Variants in DEFB124 observed in about 807,000 individuals in gnomAD.
DEFB124 encodes the protein beta-defensin 124.
For missense variants in DEFB124, 78 were observed against 83.1 expected (o/e 0.94, Z 0.24); for synonymous variants, 38 against 36.5 (o/e 1.04, Z -0.15).
intron 2 of DEFB124, among the ~76,000 whole-genome samples, chr20:31,467,493 A>T (rs1381183483): frequency 6.6e-6 from 1 of 152,180 alleles, no homozygotes; most frequent in East Asian, 1.9e-4. Context: ...TCAGTTCCTC[A>T]TCTGTACAAC....
At chr20:31,465,774 G>T in intron 2 of DEFB124, 111 bp from the exon 3 acceptor site, 1 of 1,308,924 alleles carries the variant, frequency 7.6e-7, no homozygotes, top group Non-Finnish European at 1.1e-6. Context: ...TTAGCTCTCT[G>T]GTCTTCTGTT....
At chr20:31,470,423 C>A (rs1460385949) in intron 2 of DEFB124, among the ~76,000 whole-genome samples, 1 of 138,982 alleles carries the variant, frequency 7.2e-6, no homozygotes, top group African/African-American at 2.7e-5. Context: ...GCTGGCCGGG[C>A]GGGGGGCTGA....
chr20:31,470,951 G>A (rs1448469448), intron 2 of DEFB124, among the ~76,000 whole-genome samples: 3 of 140,784 alleles, frequency 2.1e-5, no homozygotes, highest in Non-Finnish European at 4.7e-5. Context: ...CCCAGTAGGG[G>A]CGGCTGGGCA....
At chr20:31,473,103 A>T in intron 1 of DEFB124, 65 bp from the exon 2 acceptor site, 1 of 1,448,592 alleles carries the variant, frequency 6.9e-7, no homozygotes, top group Non-Finnish European at 9.5e-7. Flanking sequence ...CCCAGGCTTT[A>T]TTGAGCTGCA....
In DEFB124 at chr20:31,472,993, G is replaced by A; in HGVS notation, c.21C>T (p.Phe7=). Residue 7 remains phenylalanine (F), a synonymous_variant, in exon 2 of 3, where the codon TTC becomes TTT. Transcript: ENST00000317676. MTQLLL[F]LVALLVLGHV... ...GACCCAGAACCAGGAGAGCCACAAG[G>A]AACAGAAGCAGCTGTGTCATGGCCA... The A allele has an allele frequency of 6.2e-7, 1 of 1,614,074 alleles. No homozygotes were observed. Among genetic ancestry groups the A allele is most frequent in the Non-Finnish European group, 8.5e-7 (1 of 1,180,030 alleles).
intron 1 of DEFB124, among the ~76,000 whole-genome samples, chr20:31,473,877 G>A (rs762242684): frequency 2.0e-5 from 3 of 152,172 alleles, no homozygotes; most frequent in Non-Finnish European, 2.9e-5. Context: ...CTAACACACC[G>A]CCAAAGTTTG....
At chr20:31,468,077 C>T (rs1189721538) in intron 2 of DEFB124, among the ~76,000 whole-genome samples, 3 of 152,106 alleles carry the variant, frequency 2.0e-5, no homozygotes, top group Non-Finnish European at 2.9e-5. Context: ...AGCACATGAC[C>T]GCATTTGAAC....
intron 2 of DEFB124, among the ~76,000 whole-genome samples, chr20:31,468,619 G>T (rs562541640): frequency 6.6e-6 from 1 of 152,036 alleles, no homozygotes; most frequent in Admixed American, 6.5e-5. Context: ...GGGATTACAG[G>T]CGCCCACCAC....
At chr20:31,470,908 G>A (rs1980261152) in intron 2 of DEFB124, among the ~76,000 whole-genome samples, 1 of 142,322 alleles carries the variant, frequency 7.0e-6, no homozygotes. Flanking sequence ...CTCCCGGACG[G>A]GGTGGCTGGC....
chr20:31,471,667 G>A (rs1358331903), intron 2 of DEFB124, among the ~76,000 whole-genome samples: 1 of 142,972 alleles, frequency 7.0e-6, no homozygotes, highest in East Asian at 2.1e-4. Flanking sequence ...CCGGGCGGAG[G>A]GGCTCCTCAC....
intron 2 of DEFB124, among the ~76,000 whole-genome samples, chr20:31,469,943 C>G (rs1304388567): frequency 1.4e-4 from 21 of 150,480 alleles, no homozygotes; most frequent in East Asian, 5.8e-4. Flanking sequence ...CATCCCGGCC[C>G]GTTCTCAATG....
At chr20:31,472,853 G>A in intron 2 of DEFB124, 103 bp downstream of exon 2, 2 of 1,408,460 alleles carry the variant, frequency 1.4e-6, no homozygotes, top group Non-Finnish European at 1.9e-6. Context: ...CTTAAATGCT[G>A]ATAGAGGCCC....
chr20:31,473,167 G>A, intron 1 of DEFB124, 129 bp from the exon 2 acceptor site: 1 of 740,992 alleles, frequency 1.3e-6, no homozygotes, highest in Non-Finnish European at 2.1e-6. Context: ...AGGCCATGTG[G>A]TCCCCAGGCT....
intron 2 of DEFB124, among the ~76,000 whole-genome samples, chr20:31,471,235 C>A (rs1260356819): frequency 7.3e-6 from 1 of 136,700 alleles, no homozygotes; most frequent in Non-Finnish European, 1.6e-5. Flanking sequence ...GGCAGAGGGG[C>A]TCCTCGCTTC....
chr20:31,466,226 A>C (rs754509559), intron 2 of DEFB124, among the ~76,000 whole-genome samples: 1 of 152,176 alleles, frequency 6.6e-6, no homozygotes, highest in South Asian at 2.1e-4. Context: ...AGCACTTTTC[A>C]TAACAGTGCT....
chr20:31,467,606 T>G (rs1980114449), intron 2 of DEFB124, among the ~76,000 whole-genome samples: 1 of 152,190 alleles, frequency 6.6e-6, no homozygotes. Flanking sequence ...CAGCTTAGAT[T>G]GCTGGAACAA....
chr20:31,470,910 GT>G (rs2042969268), intron 2 of DEFB124, among the ~76,000 whole-genome samples: 1 of 142,440 alleles, frequency 7.0e-6, no homozygotes, highest in African/African-American at 2.6e-5. Context: ...CCCGGACGGG[GT>G]GGCTGGCCCG....
At chr20:31,470,606 ACCCCCCC>A (rs746201611) in intron 2 of DEFB124, among the ~76,000 whole-genome samples, 2 of 24,366 alleles carry the variant, frequency 8.2e-5, no homozygotes, top group Admixed American at 4.2e-4. Context: ...CGGGGGGCTG[ACCCCCCC>A]CCCCACCTCC....
chr20:31,469,555 G>GA (rs1325492868), intron 2 of DEFB124, among the ~76,000 whole-genome samples: 1 of 151,588 alleles, frequency 6.6e-6, no homozygotes, highest in African/African-American at 2.4e-5. Context: ...ATAAACAAGT[G>GA]AACAAAGGTC....
Sources: allele counts gnomAD v4.1 joint callset (sites outside exome capture counted in the v4.1 genomes callset), GRCh38; gene constraint gnomAD v4.1.1; transcripts MANE v1.5; gene names NCBI Gene and HGNC (gene_info 2026-07-23, HGNC 2026-07-21).